The following NOD1 variants were observed in gnomAD, a reference collection of about 807,000 sequenced individuals.
The protein encoded by NOD1 is nucleotide-binding oligomerization domain-containing protein 1.
Under a neutral mutation model 81.2 loss-of-function variants are expected in NOD1, and 70 were observed. The observed-to-expected ratio is 0.86, with a 90% CI of 0.71 to 1.05. The LOEUF (loss-of-function observed/expected upper bound fraction) is 1.05. Ranked by LOEUF, NOD1 falls within the 50% of genes least tolerant of loss-of-function variation. The probability of loss-of-function intolerance (pLI) is 0.00; values close to 1 mark genes in which losing one functional copy is unlikely to be tolerated. For missense variants in NOD1, 1,233 were observed against 1,228.0 expected (o/e 1.00, Z -0.06); for synonymous variants, 508 against 526.9 (o/e 0.96, Z 0.49).
At chr7:30,449,122 C>G (rs1314513983) in intron 6 of NOD1, among the ~76,000 whole-genome samples, 1 of 152,216 alleles carries the variant, frequency 6.6e-6, no homozygotes, top group Non-Finnish European at 1.5e-5. Context: ...CTTAGAAACA[C>G]AAGCCTTGGG....
chr7:30,449,160 A>G (rs780992149), intron 6 of NOD1, among the ~76,000 whole-genome samples: 3 of 152,248 alleles, frequency 2.0e-5, no homozygotes, highest in Non-Finnish European at 4.4e-5. Context: ...GCTGACCTTG[A>G]TAACAAGTAA....
chr7:30,437,516 C>T (rs1784483149), intron 10 of NOD1, 57 bp downstream of exon 10: 1 of 1,168,234 alleles, frequency 8.6e-7, no homozygotes, highest in Non-Finnish European at 1.2e-6. Flanking sequence ...CCCCAGCAAA[C>T]CTAGAGCAGC....
chr7:30,447,961 T>C, intron 7 of NOD1: 1 of 244,790 alleles, frequency 4.1e-6, no homozygotes, highest in South Asian at 7.5e-5. Flanking sequence ...GGATGAGGGA[T>C]TATGGACCCA....
chr7:30,464,434 C>T (rs1787479437), intron 1 of NOD1, among the ~76,000 whole-genome samples: 1 of 152,228 alleles, frequency 6.6e-6, no homozygotes, highest in South Asian at 2.1e-4. Flanking sequence ...TCATGTCCGG[C>T]CCTGCAACGT....
At chr7:30,437,692 C>G (rs768353430) in intron 9 of NOD1, 36 bp from the exon 10 acceptor site, 2 of 1,434,178 alleles carry the variant, frequency 1.4e-6, no homozygotes, top group South Asian at 2.8e-5. Flanking sequence ...TGTTAGCTCC[C>G]CAAGAAACAG....
rs1216157332 is a variant in NOD1, at chr7:30,451,970, C to T, written c.1447G>A (p.Val483Met). Residue 483 changes from valine (V) to methionine (M), a missense_variant, in exon 6 of 14, where the codon GTG becomes ATG. Transcript: ENST00000222823. This position sits in a 1 kb window ranked among gnomAD's most constrained non-coding sequence, Gnocchi z 4.2. ...CTCTCCTGCAGCCCGGAGGCCTGCA[C>T]CTCCTCCTGGGTGAAGACAAAGAGG... Reference protein sequence around the residue: ...KSLFVFTQEEVQASGLQERDM... With the variant: ...KSLFVFTQEEMQASGLQERDM... 3.1e-6 allele frequency: 5 copies of T among 1,613,458 alleles called. No individual in the cohort carries two copies. Among genetic ancestry groups the T allele is most frequent in the Non-Finnish European group, 4.2e-6 (5 of 1,180,014 alleles).
At chr7:30,431,469 C>T (rs1416319378) in intron 12 of NOD1, among the ~76,000 whole-genome samples, 1 of 152,218 alleles carries the variant, frequency 6.6e-6, no homozygotes, top group Non-Finnish European at 1.5e-5. Flanking sequence ...TGGACCAGAA[C>T]AGAGAATTCA....
chr7:30,448,303 A>G lies in NOD1; in HGVS notation c.2280T>C (p.Tyr760=). The G allele has an allele frequency of 6.2e-7, 1 of 1,613,390 alleles. No homozygotes were observed. The highest frequency in any genetic ancestry group is 1.1e-5 in the South Asian group (1 of 91,072). Residue 760 remains tyrosine, a synonymous_variant, in exon 7 of 14, where the codon TAT becomes TAC. Coordinates refer to ENST00000222823, the MANE Select transcript of NOD1 (RefSeq NM_006092.4). ...EELTKYKIVT[Y]LGLYNNQITD... The stretch of plus-strand genomic sequence containing the variant: ...TGTTCTGGAGAAAGACATACCCCAA[A>G]TAGGTCACAATTTTGTATTTGGTCA...
intron 1 of NOD1, among the ~76,000 whole-genome samples, chr7:30,464,315 G>A (rs1787460992): frequency 6.6e-6 from 1 of 152,204 alleles, no homozygotes; most frequent in Admixed American, 6.5e-5. Context: ...TACCATCAGC[G>A]TGACCCGTGG....
intron 8 of NOD1, chr7:30,446,617 C>T (rs558170187): frequency 2.6e-6 from 1 of 391,456 alleles, no homozygotes; most frequent in South Asian, 3.2e-5. Context: ...CTGTCACCCC[C>T]TGCGCAGGGC....
chr7:30,452,313 C>T lies in NOD1; in HGVS notation c.1104G>A (p.Arg368=). 1 of 1,613,380 alleles carries T rather than the reference C, an allele frequency of 6.2e-7. No individual in the cohort carries two copies. The highest frequency in any genetic ancestry group is 1.3e-5 in the African/African-American group (1 of 75,054). ...GGCTCAGCAGGCGGTCCTGCAGGGC[C>T]CGCTCGGGGAACATCCTCCTGGCAT... ...RAYARRMFPE[R]ALQDRLLSQL... The change falls in exon 6 of 14, where the codon CGG becomes CGA. Residue 368 remains arginine (R), a synonymous_variant. Transcript: ENST00000222823.
chr7:30,433,727 C>T (rs1784146091), intron 11 of NOD1, among the ~76,000 whole-genome samples: 1 of 152,160 alleles, frequency 6.6e-6, no homozygotes, highest in Admixed American at 6.5e-5. Context: ...AGCACCAAAG[C>T]TCCTTGGTGT....
intron 12 of NOD1, 74 bp downstream of exon 12, chr7:30,433,022 A>G (rs1438132333): frequency 3.6e-6 from 4 of 1,102,234 alleles, no homozygotes; most frequent in Non-Finnish European, 5.5e-6. Context: ...TGAATTTTAC[A>G]GTATGTAAAT....
At position 30,455,155 on chromosome 7, in the gene NOD1, C is replaced by G; in HGVS notation, c.358G>C (p.Val120Leu). The G allele has an allele frequency of 6.2e-7, 1 of 1,613,930 alleles. No homozygotes were observed. The highest frequency in any genetic ancestry group is 8.5e-7 in the Non-Finnish European group (1 of 1,180,000). The part of the protein sequence containing the change: ...SPSLLTQSKV[V>L]VNTDPVSRYT... ...CTCCTACCTGGGTCAGTGTTGACCACGACTTTGCTCTGAGTGAGCAGGGAA... is the reference window on the plus strand; with the variant it reads ...CTCCTACCTGGGTCAGTGTTGACCAGGACTTTGCTCTGAGTGAGCAGGGAA... The change falls in exon 5 of 14, where the codon GTG becomes CTG. Residue 120 changes from valine to leucine, a missense_variant. By Grantham distance (32) the Val-to-Leu change is conservative. Transcript: ENST00000222823.
At position 30,452,519 on chromosome 7, in the gene NOD1, C is replaced by A; in HGVS notation, c.898G>T (p.Asp300Tyr). ...HSDLDLSRVP[D>Y]SSCPWEPAHP... ...GCAGGCTCCCAGGGGCAGGAGCTGT[C>A]AGGCACGCGGCTCAGGTCCAAGTCC... is the stretch of plus-strand genomic sequence containing the variant. Residue 300 changes from aspartate to tyrosine, a missense_variant, in exon 6 of 14, where the codon GAC (aspartate) becomes TAC (tyrosine). Asp to Tyr is a radical substitution (Grantham distance 160). Transcript: ENST00000222823. 6.2e-7 allele frequency: 1 copy of A among 1,613,124 alleles called. No individual in the cohort carries two copies. Among genetic ancestry groups the A allele is most frequent in the Non-Finnish European group, 8.5e-7 (1 of 1,179,946 alleles).
Position 30,425,688 on chromosome 7 carries a change from G to GT in NOD1, c.2811dup (p.Pro938ThrfsTer8), listed in dbSNP as rs1783384354. ...TCTTCATAGACTTTGGCCTCCTCTG[G>GT]TTTTATCAGGTTTCCATTTAGGCTG... On this transcript the variant is annotated frameshift_variant, in exon 14 of 14. Transcript: ENST00000222823. LOFTEE classifies it high-confidence loss of function. 1 of 1,613,396 alleles carries GT rather than the reference G, an allele frequency of 6.2e-7. No homozygotes were observed. Among genetic ancestry groups the GT allele is most frequent in the Middle Eastern group, 1.6e-4 (1 of 6,062 alleles).
Position 30,446,129 on chromosome 7 carries a change from C to T in NOD1, c.2453+12G>A. ...CAGGTTGTACCACATACATCCATCC[C>T]CTTCTACTCACCCAACCTCAGAGAT... On this transcript the variant is annotated intron_variant, in intron 9 of 13. Transcript: ENST00000222823. The T allele has an allele frequency of 6.2e-7, 1 of 1,608,574 alleles. No homozygotes were observed. The highest frequency in any genetic ancestry group is 2.2e-5 in the East Asian group (1 of 44,844).
intron 11 of NOD1, 118 bp downstream of exon 11, chr7:30,435,880 C>T: frequency 1.3e-6 from 1 of 793,582 alleles, no homozygotes; most frequent in Non-Finnish European, 2.1e-6. Flanking sequence ...TTCGAATGAG[C>T]CTGGGAGGTG....
chr7:30,455,833 C>T (rs1208749795), intron 4 of NOD1, among the ~76,000 whole-genome samples: 1 of 152,138 alleles, frequency 6.6e-6, no homozygotes, highest in African/African-American at 2.4e-5. Context: ...AACTCCTGAC[C>T]TTAGGTGATC....
Sources: gnomAD v4.1 joint callset for allele counts (sites outside exome capture counted in the v4.1 genomes callset) on GRCh38, gnomAD v4.1.1 for gene constraint, Gnocchi (gnomAD v3.1) non-coding constraint, MANE v1.5 for transcripts, NCBI Gene and HGNC (gene_info 2026-07-23, HGNC 2026-07-21) for gene names.